EMC1: variants seen among roughly 807,000 people sequenced by gnomAD.
EMC1 encodes the protein ER membrane protein complex subunit 1, also known as KIAA0090.
A neutral mutation model predicts 128.8 loss-of-function variants in EMC1; 103 were observed. The observed-to-expected ratio is 0.80, with a 90% confidence interval of 0.68 to 0.94. The LOEUF is 0.94. Ranked by LOEUF, EMC1 falls within the 40% of genes least tolerant of loss-of-function variation. EMC1 has a pLI of 0.00. For synonymous variants in EMC1, 442 were observed against 490.4 expected, an observed-to-expected ratio of 0.90 and a Z score of 1.30; for missense variants, 1,083 against 1,250.6, an observed-to-expected ratio of 0.87 and a Z score of 2.02.
rs1039023548 is a variant in EMC1, at chr1:19,217,628, A to G, written c.*1675T>C. 1.3e-5 allele frequency: 2 copies of G among 152,226 alleles called. No homozygotes were observed. Among genetic ancestry groups the G allele is most frequent in the African/African-American group, 4.8e-5 (2 of 41,456 alleles). 9.4% of individuals were successfully genotyped at this position (152,226 alleles called of 1,614,324 possible). ...CCAGTAGCTTGTTTCAGATTCTGGC[A>G]CACTGGTAAATAAAAACTAGAATCT... On this transcript the variant is annotated 3_prime_UTR_variant, in exon 23 of 23. Transcript: ENST00000477853.
In EMC1 at chr1:19,217,700, GC is replaced by G. The variant is rs2093404186; in HGVS notation, c.*1602del. 6.6e-6 allele frequency: 1 copy of G among 152,184 alleles called. No individual in the cohort carries two copies. 9.4% of individuals were successfully genotyped at this position (152,184 alleles called of 1,614,324 possible). On this transcript the variant is annotated 3_prime_UTR_variant, in exon 23 of 23. Coordinates refer to ENST00000477853, the MANE Select transcript of EMC1 (RefSeq NM_015047.3). ...TGTATGTAAGACAGTCAGAATTCCAGCCAGGCTTTCTCAAAACTAGGGCAGA... is the reference window on the plus strand; with the variant it reads ...TGTATGTAAGACAGTCAGAATTCCAGCAGGCTTTCTCAAAACTAGGGCAGA...
intron 6 of EMC1, 96 bp downstream of exon 6, chr1:19,240,920 T>C: frequency 7.0e-7 from 1 of 1,437,358 alleles, no homozygotes; most frequent in Non-Finnish European, 9.5e-7. Flanking sequence ...AGCTTTTGCA[T>C]CTGCCCAGCC....
At position 19,243,421 on chromosome 1, in the gene EMC1, G is replaced by C. The variant is rs114421253; in HGVS notation, c.380+193C>G. ...AGCACAAGCGCAAACATTGCACCTA[G>C]AAACTCTGCATCTAACAGGCGCTCA... On this transcript the variant is annotated intron_variant, in intron 4 of 22. Transcript: ENST00000477853. Among the ~76,000 whole-genome samples, 1,446 of 152,270 alleles carry C rather than the reference G, an allele frequency of 9.5e-3. 9 individuals are homozygous for C. The highest frequency in any genetic ancestry group is 0.016 in the Non-Finnish European group (1,056 of 68,026).
chr1:19,231,336 G>C lies in EMC1; in HGVS notation c.1869C>G (p.Ile623Met), dbSNP rs1216836646. 5 of 1,611,922 alleles carry C rather than the reference G, an allele frequency of 3.1e-6. No homozygotes were observed. In the African/African-American group the frequency reaches 5.4e-5, roughly 17 times the overall value. ...QVAPPVLKRP[I>M]LQSLLLPVMD... ...TGACTGGGAGAAGCAAGGACTGCAA[G>C]ATGGGGCGCTTCAGCACTGGGGGAG... Residue 623 changes from isoleucine to methionine, a missense_variant, in exon 16 of 23, where the codon ATC (isoleucine) becomes ATG (methionine). By Grantham distance (10) the Ile-to-Met change is conservative. This residue lies in a region of EMC1 where 527 missense variants were observed against 644.1 expected (regional missense o/e 0.82). Coordinates refer to ENST00000477853, the MANE Select transcript of EMC1 (RefSeq NM_015047.3).
At chr1:19,221,689 G>C (rs551903445) in intron 20 of EMC1, 2 of 150,494 alleles carry the variant, frequency 1.3e-5, no homozygotes, top group Admixed American at 1.3e-4. Flanking sequence ...AGATCTGAGA[G>C]TCCCAAACAT....
chr1:19,239,672 C>T, intron 8 of EMC1, 146 bp downstream of exon 8: 1 of 746,738 alleles, frequency 1.3e-6, no homozygotes, highest in Non-Finnish European at 2.2e-6. Context: ...ATAAGGCTAC[C>T]TACCCCCTCT....
chr1:19,242,332 C>A lies in EMC1; in HGVS notation c.509+13G>T, dbSNP rs745934399. On this transcript the variant is annotated intron_variant, in intron 5 of 22. Transcript: ENST00000477853. ...GAACGAGGCAGCTATTGCCTGTGAG[C>A]AGGCAGCCTTACCTTTCTGGGAGAT... The A allele has an allele frequency of 6.2e-7, 1 of 1,614,070 alleles. No homozygotes were observed. The highest frequency in any genetic ancestry group is 1.7e-5 in the Admixed American group (1 of 60,002).
chr1:19,232,511 C>T, intron 15 of EMC1, 113 bp downstream of exon 15: 1 of 1,195,666 alleles, frequency 8.4e-7, no homozygotes, highest in Non-Finnish European at 1.2e-6. Context: ...AGTTCTAACC[C>T]CTGAATGTTC....
chr1:19,251,300 A>G (rs984762825), intron 1 of EMC1, 115 bp downstream of exon 1: 1 of 973,838 alleles, frequency 1.0e-6, no homozygotes, highest in Non-Finnish European at 1.6e-6. Flanking sequence ...TTCATTTTGT[A>G]CTGGGTCCTG....
intron 4 of EMC1, among the ~76,000 whole-genome samples, chr1:19,243,326 T>G (rs951943156): frequency 1.3e-5 from 2 of 152,200 alleles, no homozygotes; most frequent in South Asian, 4.1e-4. Flanking sequence ...AGTGGAAGTT[T>G]TATATTATGT....
At chr1:19,228,450 T>C (rs962802327) in intron 17 of EMC1, among the ~76,000 whole-genome samples, 3 of 152,158 alleles carry the variant, frequency 2.0e-5, no homozygotes, top group African/African-American at 7.2e-5. Context: ...AAATACATTA[T>C]TATACATCCA....
rs752271563 is a variant in EMC1 at position 19,239,250 on chromosome 1, A to G, written c.1007T>C (p.Met336Thr). ...ACTCACCACTTCATTCCGACAGGCC[A>G]TGACTGCAGCCACCGTCTTCTCCCC... Reference protein sequence around the residue: ...TTGEKTVAAVMACRNEVQKSS... With the variant: ...TTGEKTVAAVTACRNEVQKSS... The change falls in exon 9 of 23, where the codon ATG (methionine) becomes ACG (threonine). Residue 336 changes from methionine (M) to threonine (T), a missense_variant. Physicochemically the swap from Met to Thr is moderately conservative, Grantham distance 81. Around this residue, in one of 3 missense-constraint regions of EMC1, gnomAD observed 544 missense variants for 572.4 expected, o/e 0.95. Transcript: ENST00000477853. 3.7e-6 allele frequency: 6 copies of G among 1,614,044 alleles called. No individual in the cohort carries two copies. The highest frequency in any genetic ancestry group is 1.1e-5 in the South Asian group (1 of 91,088).
At chr1:19,240,127 C>T in intron 7 of EMC1, 142 bp from the exon 8 acceptor site, 1 of 1,210,092 alleles carries the variant, frequency 8.3e-7, no homozygotes, top group Non-Finnish European at 1.1e-6. Flanking sequence ...TTCAAGTTCC[C>T]CAAAGAGGAA....
At chr1:19,227,498 C>T in intron 17 of EMC1, 48 bp from the exon 18 acceptor site, 3 of 1,609,164 alleles carry the variant, frequency 1.9e-6, no homozygotes, top group Non-Finnish European at 8.5e-7. Context: ...ACACTTAGAA[C>T]TGAAACAGCT....
At chr1:19,245,141 T>C in intron 1 of EMC1, 111 bp from the exon 2 acceptor site, 1 of 1,255,688 alleles carries the variant, frequency 8.0e-7, no homozygotes, top group East Asian at 2.5e-5. Flanking sequence ...TTAGGACACA[T>C]AAGACGTGTT....
At chr1:19,233,170 G>C (rs779194462) in intron 13 of EMC1, 35 bp from the exon 14 acceptor site, 3 of 1,565,544 alleles carry the variant, frequency 1.9e-6, no homozygotes, top group Middle Eastern at 1.7e-4. Context: ...CTCTACATCA[G>C]ACTAGGGGTC....
chr1:19,222,558 T>G, intron 20 of EMC1, 66 bp downstream of exon 20: 1 of 1,419,940 alleles, frequency 7.0e-7, no homozygotes, highest in Non-Finnish European at 9.9e-7. Context: ...ATGTGTCCCT[T>G]GCTCTGTCCT....
At chr1:19,248,411 T>C (rs2093641647) in intron 1 of EMC1, among the ~76,000 whole-genome samples, 1 of 151,934 alleles carries the variant, frequency 6.6e-6, no homozygotes, top group Admixed American at 6.6e-5. Flanking sequence ...TTGCCCAACC[T>C]GTTTTTTGTT....
intron 17 of EMC1, chr1:19,229,290 A>T (rs1436561165): frequency 6.6e-6 from 1 of 152,196 alleles, no homozygotes; most frequent in East Asian, 1.9e-4. Context: ...AATTTTTAAA[A>T]TAGTGAAAAT....
Sources: allele counts gnomAD v4.1 joint callset (sites outside exome capture counted in the v4.1 genomes callset), GRCh38; gene constraint gnomAD v4.1.1; regional missense constraint gnomAD v4.1.1; transcripts MANE v1.5; gene names NCBI Gene and HGNC (gene_info 2026-07-23, HGNC 2026-07-21).